The following NXPE1 variants were observed in gnomAD, a reference collection of about 807,000 sequenced individuals.
NXPE1 encodes NXPE family member 1.
Under a neutral mutation model 33.3 loss-of-function variants are expected in NXPE1, and 31 were observed. The observed-to-expected ratio is 0.93, with a 90% CI of 0.70 to 1.26. NXPE1 has a LOEUF of 1.26. Among genes scored for constraint, NXPE1 ranks in the 50% most tolerant of loss-of-function variants. NXPE1 has a pLI of 0.00. For missense variants in NXPE1, 661 were observed against 655.6 expected (o/e 1.01, Z -0.09); for synonymous variants, 229 against 231.4 (o/e 0.99, Z 0.09).
intron 5 of NXPE1, among the ~76,000 whole-genome samples, chr11:114,538,875 G>T (rs531350969): frequency 6.6e-6 from 1 of 151,964 alleles, no homozygotes; most frequent in Non-Finnish European, 1.5e-5. Context: ...AGTCAGTGTG[G>T]TGATTCCTCA....
Position 114,522,397 on chromosome 11 carries a change from G to A in NXPE1, c.1215C>T (p.Phe405=), listed in dbSNP as rs77697681. The A allele has an allele frequency of 3.6e-3, 5,781 of 1,614,014 alleles. 195 individuals are homozygous for A. The African/African-American group carries it at 0.068, about 19-fold the overall frequency. ...TCAGAGAGTAGAGCTGGAAAGTGAC[G>A]AAGGGATAGCTATGTTTTTTCCATT... Residue 405 remains phenylalanine, a synonymous_variant, in exon 9 of 9, where the codon TTC becomes TTT. Coordinates refer to ENST00000534921, the Ensembl canonical transcript of NXPE1.
Position 114,534,375 on chromosome 11 carries a change from C to T in NXPE1, c.100-3467G>A, listed in dbSNP as rs868279059. Among the ~76,000 whole-genome samples the T allele has an allele frequency of 1.2e-4, 19 of 152,160 alleles. 1 individual carries two copies. Among genetic ancestry groups the T allele is most frequent in the Admixed American group, 2.6e-4 (4 of 15,278 alleles). On this transcript the variant is annotated intron_variant, in intron 5 of 8. Transcript: ENST00000534921. ...AAACCGGAAACTCTAAAAATCAGAG[C>T]GCCTCTTCTCCTCCAAAGGAACGCA...
chr11:114,540,424 A>G (rs1414320257), intron 5 of NXPE1, among the ~76,000 whole-genome samples: 4 of 152,260 alleles, frequency 2.6e-5, no homozygotes, highest in Non-Finnish European at 4.4e-5. Context: ...TAAAATAAAT[A>G]CAAACACTAA....
intron 5 of NXPE1, among the ~76,000 whole-genome samples, chr11:114,533,668 C>CA (rs1947675921): frequency 6.6e-6 from 1 of 152,240 alleles, no homozygotes; most frequent in Non-Finnish European, 1.5e-5. Flanking sequence ...GGTCCTACGC[C>CA]CACGGAGCCT....
At chr11:114,539,265 A>G (rs573800891) in intron 5 of NXPE1, among the ~76,000 whole-genome samples, 44 of 133,538 alleles carry the variant, frequency 3.3e-4, no homozygotes, top group African/African-American at 1.1e-3. Flanking sequence ...GGGGAACATC[A>G]CACACTGGGG....
intron 5 of NXPE1, among the ~76,000 whole-genome samples, chr11:114,532,306 C>G (rs1947613606): frequency 6.6e-6 from 1 of 152,054 alleles, no homozygotes; most frequent in Admixed American, 6.6e-5. Context: ...CAATGCCAAC[C>G]AAGAAATAGA....
At chr11:114,531,800 C>T (rs1480091290) in intron 5 of NXPE1, among the ~76,000 whole-genome samples, 4 of 152,162 alleles carry the variant, frequency 2.6e-5, no homozygotes, top group East Asian at 3.8e-4. Context: ...TTAACTTCTA[C>T]CTTAGAAATC....
intron 7 of NXPE1, among the ~76,000 whole-genome samples, chr11:114,527,436 G>C (rs1947403378): frequency 6.6e-6 from 1 of 152,118 alleles, no homozygotes; most frequent in African/African-American, 2.4e-5. Context: ...CATATAATCA[G>C]ATGAAAGCTC....
intron 1 of NXPE1, among the ~76,000 whole-genome samples, chr11:114,555,965 T>A (rs1262908804): frequency 6.6e-6 from 1 of 152,234 alleles, no homozygotes; most frequent in African/African-American, 2.4e-5. Context: ...CTGCTCTGAA[T>A]ATTCATATAT....
intron 1 of NXPE1, among the ~76,000 whole-genome samples, chr11:114,558,214 G>A (rs924012039): frequency 1.3e-4 from 19 of 151,822 alleles, no homozygotes; most frequent in East Asian, 7.7e-4. Flanking sequence ...ATGTGTGTGT[G>A]TATATATATA....
At chr11:114,548,431 C>G (rs1430262492) in intron 5 of NXPE1, among the ~76,000 whole-genome samples, 2 of 151,850 alleles carry the variant, frequency 1.3e-5, no homozygotes, top group Non-Finnish European at 2.9e-5. Context: ...TGAAGAAAAC[C>G]TCAATAAATG....
chr11:114,538,587 AAAAC>A (rs1257431432), intron 5 of NXPE1, among the ~76,000 whole-genome samples: 1 of 152,238 alleles, frequency 6.6e-6, no homozygotes, highest in Non-Finnish European at 1.5e-5. Context: ...TTATAAGAAA[AAAAC>A]AAACAACCCC....
intron 5 of NXPE1, among the ~76,000 whole-genome samples, chr11:114,550,301 G>T (rs1948431380): frequency 6.6e-6 from 1 of 152,068 alleles, no homozygotes; most frequent in Non-Finnish European, 1.5e-5. Context: ...GTGTGGGTGG[G>T]ATTAGCTCTA....
intron 5 of NXPE1, among the ~76,000 whole-genome samples, chr11:114,532,645 A>G (rs1947625537): frequency 6.6e-6 from 1 of 152,196 alleles, no homozygotes; most frequent in Admixed American, 6.5e-5. Flanking sequence ...GGTAAGTATG[A>G]TACAAGAAAA....
intron 5 of NXPE1, among the ~76,000 whole-genome samples, chr11:114,538,008 C>A (rs1415902138): frequency 1.4e-4 from 21 of 151,914 alleles, no homozygotes; most frequent in African/African-American, 3.1e-4. Context: ...TGGAGGCATC[C>A]CGCTACCTGA....
At chr11:114,535,609 C>CA (rs878916442) in intron 5 of NXPE1, among the ~76,000 whole-genome samples, 3 of 151,656 alleles carry the variant, frequency 2.0e-5, no homozygotes, top group Non-Finnish European at 4.4e-5. Context: ...AAATGGAAAA[C>CA]AAAAAAATGC....
At chr11:114,547,220 G>C (rs1948312315) in intron 5 of NXPE1, among the ~76,000 whole-genome samples, 1 of 152,278 alleles carries the variant, frequency 6.6e-6, no homozygotes, top group African/African-American at 2.4e-5. Flanking sequence ...AACATCATCA[G>C]TGATGTCATA....
In NXPE1 at chr11:114,521,658, T is replaced by C. The variant is rs571696377; in HGVS notation, c.*310A>G. Reference sequence around the variant, plus strand: ...TAGACAGAGCTAGGAAATATCTATATTGGAAATAGAAAGCATCATGAATTT... The same window carrying C: ...TAGACAGAGCTAGGAAATATCTATACTGGAAATAGAAAGCATCATGAATTT... On this transcript the variant is annotated 3_prime_UTR_variant, in exon 9 of 9. Transcript: ENST00000534921. 2.6e-4 allele frequency: 68 copies of C among 263,170 alleles called. No homozygotes were observed. In the South Asian group the frequency reaches 4.0e-3, roughly 15 times the overall value. The allele number at this position is 263,170 out of a possible 1,614,324, so 16.3% of individuals were successfully genotyped here.
intron 5 of NXPE1, among the ~76,000 whole-genome samples, chr11:114,539,896 T>C (rs1382841999): frequency 6.6e-6 from 1 of 152,168 alleles, no homozygotes; most frequent in Admixed American, 6.5e-5. Flanking sequence ...TTTCACTATA[T>C]TGAAAAAAAC....
Sources: gnomAD v4.1 joint callset for allele counts (sites outside exome capture counted in the v4.1 genomes callset) on GRCh38, gnomAD v4.1.1 for gene constraint, MANE v1.5 for transcripts, NCBI Gene and HGNC (gene_info 2026-07-23, HGNC 2026-07-21) for gene names.